SEPTIN9: variants seen among roughly 807,000 people sequenced by gnomAD.
The protein encoded by SEPTIN9 is septin-9.
SEPTIN9 carries 13 observed loss-of-function variants against 56.6 expected under a neutral mutation model. The observed-to-expected ratio is 0.23, with a 90% CI of 0.15 to 0.37. The LOEUF is 0.37. Among genes scored for constraint, SEPTIN9 ranks in the 10% least tolerant of loss-of-function variants. The pLI, the probability that SEPTIN9 is intolerant of heterozygous loss-of-function variation, is 1.00. For missense variants in SEPTIN9, 650 were observed against 823.1 expected, an observed-to-expected ratio of 0.79 and a Z score of 2.57; for synonymous variants, 332 against 334.1, an observed-to-expected ratio of 0.99 and a Z score of 0.07.
At chr17:77,394,045 T>C (rs1353427380) in intron 2 of SEPTIN9, among the ~76,000 whole-genome samples, 1 of 152,222 alleles carries the variant, frequency 6.6e-6, no homozygotes, top group Non-Finnish European at 1.5e-5. Context: ...ACGTCCTGTC[T>C]CCAGCCCTGG....
intron 1 of SEPTIN9, 56 bp from the exon 2 acceptor site, chr17:77,307,085 C>G (rs534067056): frequency 7.3e-6 from 11 of 1,508,212 alleles, no homozygotes; most frequent in Non-Finnish European, 1.0e-5. Flanking sequence ...ATCATCCACC[C>G]GGAGGGAGAG....
rs1359746589 is a variant in SEPTIN9 at position 77,327,931 on chromosome 17, G to T, written c.76+20734G>T. Among the ~76,000 whole-genome samples the T allele has an allele frequency of 6.6e-6, 1 of 152,152 alleles. No individual in the cohort carries two copies. The highest frequency in any genetic ancestry group is 1.5e-5 in the Non-Finnish European group (1 of 68,008). On this transcript the variant is annotated intron_variant, in intron 2 of 11. Coordinates refer to ENST00000427177, the MANE Select transcript of SEPTIN9 (RefSeq NM_001113491.2). This position sits in a 1 kb window ranked among gnomAD's most constrained non-coding sequence, Gnocchi z 5.0. ...GGCAGGAGGCGTCCCCGTGCCTAGG[G>T]CATCCCGATGCTCAGAGTTTCCCCG...
intron 2 of SEPTIN9, among the ~76,000 whole-genome samples, chr17:77,334,681 T>C (rs12946093): frequency 0.63 from 95,044 of 151,884 alleles, 30,985 homozygotes; most frequent in African/African-American, 0.83. Flanking sequence ...AGAAGTTCTC[T>C]TATTTTCTAG....
At chr17:77,413,548 G>A (rs1327353302) in intron 3 of SEPTIN9, among the ~76,000 whole-genome samples, 3 of 152,220 alleles carry the variant, frequency 2.0e-5, no homozygotes, top group African/African-American at 4.8e-5. Flanking sequence ...TGTGGCCAGC[G>A]TCCTGGGATG....
At chr17:77,426,517 C>G (rs944966490) in intron 3 of SEPTIN9, among the ~76,000 whole-genome samples, 3 of 152,166 alleles carry the variant, frequency 2.0e-5, no homozygotes, top group Non-Finnish European at 4.4e-5. Flanking sequence ...CACCTGGCCA[C>G]TCCCCTCAGC....
At chr17:77,361,927 C>T (rs1408066400) in intron 2 of SEPTIN9, among the ~76,000 whole-genome samples, 7 of 152,222 alleles carry the variant, frequency 4.6e-5, no homozygotes, top group African/African-American at 9.6e-5. Flanking sequence ...CCACCGCGCC[C>T]GGCCAAGTGG....
chr17:77,379,006 G>A (rs896650323), intron 2 of SEPTIN9, among the ~76,000 whole-genome samples: 1 of 152,152 alleles, frequency 6.6e-6, no homozygotes, highest in Non-Finnish European at 1.5e-5. Flanking sequence ...CCTGAAAAGC[G>A]GTTGTGGCAG....
At chr17:77,496,992 T>C in intron 10 of SEPTIN9, 1 of 436,676 alleles carries the variant, frequency 2.3e-6, no homozygotes, top group South Asian at 2.3e-5. Context: ...TGCCCTGGCT[T>C]CTCCACTGTG....
chr17:77,455,867 A>G (rs2038177796), intron 3 of SEPTIN9, among the ~76,000 whole-genome samples: 1 of 152,144 alleles, frequency 6.6e-6, no homozygotes, highest in South Asian at 2.1e-4. Flanking sequence ...GTCTCACAAG[A>G]ATCTCCATTC....
At chr17:77,390,347 A>C (rs1330863089) in intron 2 of SEPTIN9, among the ~76,000 whole-genome samples, 1,492 of 13,456 alleles carry the variant, frequency 0.11, 27 homozygotes, top group African/African-American at 0.39. Context: ...ACTCCGTCTT[A>C]AAAAAAAAAA....
intron 2 of SEPTIN9, among the ~76,000 whole-genome samples, chr17:77,390,346 TAAAAA>T (rs200348069): frequency 1.1e-5 from 1 of 90,332 alleles, no homozygotes; most frequent in Non-Finnish European, 2.0e-5. Flanking sequence ...GACTCCGTCT[TAAAAA>T]AAAAAAAAAA....
chr17:77,338,121 T>C (rs2033613038), intron 2 of SEPTIN9, among the ~76,000 whole-genome samples: 1 of 151,834 alleles, frequency 6.6e-6, no homozygotes, highest in Non-Finnish European at 1.5e-5. Flanking sequence ...TGCTCGAACC[T>C]GGGAGGTGGA....
At chr17:77,446,878 G>A (rs571204263) in intron 3 of SEPTIN9, 78 of 167,236 alleles carry the variant, frequency 4.7e-4, no homozygotes, top group Non-Finnish European at 8.2e-4. Flanking sequence ...AAAAGGACAC[G>A]TTGAATTCTG....
intron 1 of SEPTIN9, among the ~76,000 whole-genome samples, chr17:77,290,766 G>A (rs554860040): frequency 2.0e-5 from 3 of 150,730 alleles, no homozygotes; most frequent in Non-Finnish European, 4.4e-5. Flanking sequence ...AGTGAGCCGA[G>A]ATTGCGCCAG....
intron 1 of SEPTIN9, among the ~76,000 whole-genome samples, chr17:77,285,440 C>G (rs530072879): frequency 1.1e-4 from 17 of 152,236 alleles, no homozygotes; most frequent in Non-Finnish European, 2.4e-4. Flanking sequence ...CTCTGTTGCC[C>G]AGGCTGGAGT....
intron 2 of SEPTIN9, among the ~76,000 whole-genome samples, chr17:77,386,440 T>G (rs1352070822): frequency 3.3e-5 from 5 of 152,124 alleles, no homozygotes; most frequent in Non-Finnish European, 5.9e-5. Context: ...CAGGCCAGGC[T>G]CCCGTGGCCC....
intron 3 of SEPTIN9, among the ~76,000 whole-genome samples, chr17:77,479,728 G>A (rs1375361932): frequency 1.3e-5 from 2 of 150,264 alleles, no homozygotes; most frequent in African/African-American, 2.5e-5. Context: ...GAGAGTTCAG[G>A]GGGCAGCGCC....
chr17:77,348,542 C>A (rs202015872), intron 2 of SEPTIN9, among the ~76,000 whole-genome samples: 2 of 152,018 alleles, frequency 1.3e-5, no homozygotes, highest in African/African-American at 4.8e-5. Context: ...TCAGGCGATC[C>A]GCCCACCCTG....
At chr17:77,379,708 G>A (rs1745515734) in intron 2 of SEPTIN9, among the ~76,000 whole-genome samples, 1 of 152,176 alleles carries the variant, frequency 6.6e-6, no homozygotes, top group Non-Finnish European at 1.5e-5. Context: ...GTCCATCATC[G>A]TGCCGGGGAT....
Sources: gnomAD v4.1 joint callset for allele counts (sites outside exome capture counted in the v4.1 genomes callset) on GRCh38, gnomAD v4.1.1 for gene constraint, Gnocchi (gnomAD v3.1) non-coding constraint, MANE v1.5 for transcripts, NCBI Gene and HGNC (gene_info 2026-07-23, HGNC 2026-07-21) for gene names.